ABCG2: variants seen among roughly 807,000 people sequenced by gnomAD.
The protein encoded by ABCG2 is broad substrate specificity ATP-binding cassette transporter ABCG2.
Under a neutral mutation model 73.5 loss-of-function variants are expected in ABCG2, and 80 were observed. That is an observed-to-expected ratio of 1.09 (90% CI 0.91 to 1.31). The LOEUF is 1.31. Ranked by LOEUF, ABCG2 falls within the 50% of genes most tolerant of loss-of-function variation. ABCG2 has a pLI of 0.00. For missense variants in ABCG2, 796 were observed against 786.2 expected (o/e 1.01, Z -0.15); for synonymous variants, 269 against 282.4 (o/e 0.95, Z 0.48).
At chr4:88,106,463 A>C (rs753247201) in intron 10 of ABCG2, among the ~76,000 whole-genome samples, 1 of 152,238 alleles carries the variant, frequency 6.6e-6, no homozygotes, top group East Asian at 1.9e-4. Flanking sequence ...GACACATGCT[A>C]CATGAATGAG....
chr4:88,227,523 C>T (rs1046508750), intron 1 of ABCG2, among the ~76,000 whole-genome samples: 1 of 152,098 alleles, frequency 6.6e-6, no homozygotes, highest in African/African-American at 2.4e-5. Context: ...AAGGTGTGAT[C>T]TCTGAGTGGT....
intron 1 of ABCG2, among the ~76,000 whole-genome samples, chr4:88,180,816 A>G (rs1286673123): frequency 6.6e-6 from 1 of 152,098 alleles, no homozygotes; most frequent in Non-Finnish European, 1.5e-5. Flanking sequence ...ATAAGGAATC[A>G]CCTGAAGGTA....
At chr4:88,147,818 A>C (rs1337066161) in intron 1 of ABCG2, among the ~76,000 whole-genome samples, 2 of 152,250 alleles carry the variant, frequency 1.3e-5, no homozygotes, top group Non-Finnish European at 2.9e-5. Flanking sequence ...CACATACAGA[A>C]TAGACTGAGC....
At chr4:88,222,499 C>T (rs1387966179) in intron 1 of ABCG2, among the ~76,000 whole-genome samples, 1 of 152,194 alleles carries the variant, frequency 6.6e-6, no homozygotes, top group Non-Finnish European at 1.5e-5. Context: ...TGCACAAGCT[C>T]TCTCTTTGCC....
intron 15 of ABCG2, among the ~76,000 whole-genome samples, chr4:88,093,054 A>G (rs897537727): frequency 5.9e-5 from 9 of 152,192 alleles, no homozygotes; most frequent in Admixed American, 3.9e-4. Context: ...AGTGGCAGCT[A>G]GAGTAGAGTA....
chr4:88,230,150 G>A (rs1199488255), intron 1 of ABCG2, among the ~76,000 whole-genome samples: 4 of 149,400 alleles, frequency 2.7e-5, no homozygotes, highest in Non-Finnish European at 5.9e-5. Flanking sequence ...GTGACACCAC[G>A]CCCAGCTAAT....
chr4:88,200,198 C>T (rs1248878045), intron 1 of ABCG2, among the ~76,000 whole-genome samples: 3 of 151,932 alleles, frequency 2.0e-5, no homozygotes, highest in Non-Finnish European at 4.4e-5. Context: ...TGGTGACGCA[C>T]ACACTGGTAG....
intron 14 of ABCG2, 58 bp downstream of exon 14, chr4:88,095,462 G>T: frequency 6.8e-7 from 1 of 1,468,538 alleles, no homozygotes; most frequent in South Asian, 1.1e-5. Context: ...GAGGACACTT[G>T]ATTTCCATTG....
chr4:88,138,716 C>A (rs948376629), intron 2 of ABCG2, among the ~76,000 whole-genome samples: 11 of 152,168 alleles, frequency 7.2e-5, no homozygotes, highest in African/African-American at 2.7e-4. Flanking sequence ...AAAACACCAA[C>A]CCCTGATGAC....
At chr4:88,167,641 G>C (rs1282744666) in intron 1 of ABCG2, among the ~76,000 whole-genome samples, 3 of 152,108 alleles carry the variant, frequency 2.0e-5, no homozygotes, top group Non-Finnish European at 2.9e-5. Context: ...TCCCAAAAGT[G>C]CTGGGATTAT....
At chr4:88,173,170 A>G (rs1398061586) in intron 1 of ABCG2, among the ~76,000 whole-genome samples, 1 of 152,186 alleles carries the variant, frequency 6.6e-6, no homozygotes, top group African/African-American at 2.4e-5. Flanking sequence ...TTATTATGGA[A>G]ATTTTGAAAC....
chr4:88,121,646 C>A lies in ABCG2; in HGVS notation c.678G>T (p.Leu226Phe). 6.2e-7 allele frequency: 1 copy of A among 1,613,408 alleles called. No individual in the cohort carries two copies. The highest frequency in any genetic ancestry group is 8.5e-7 in the Non-Finnish European group (1 of 1,179,766). The change falls in exon 6 of 16, where the codon TTG becomes TTT. Residue 226 changes from leucine (L) to phenylalanine (F), a missense_variant. By Grantham distance (22) the Leu-to-Phe change is conservative. Coordinates refer to ENST00000237612, the MANE Select transcript of ABCG2 (RefSeq NM_004827.3). Reference protein sequence around the residue: ...LDSSTANAVLLLLKRMSKQGR... With the variant: ...LDSSTANAVLFLLKRMSKQGR... ...TCCAGAGCATTTACCTTTTCAGGAG[C>A]AAAAGGACAGCATTTGCTGTGCTTG...
At chr4:88,151,067 G>A (rs986472191) in intron 1 of ABCG2, among the ~76,000 whole-genome samples, 1 of 152,150 alleles carries the variant, frequency 6.6e-6, no homozygotes, top group African/African-American at 2.4e-5. Flanking sequence ...CATTTAAGAG[G>A]GGACTGACTG....
intron 1 of ABCG2, among the ~76,000 whole-genome samples, chr4:88,204,879 G>A (rs895943889): frequency 6.6e-6 from 1 of 152,170 alleles, no homozygotes; most frequent in African/African-American, 2.4e-5. Flanking sequence ...TAGAGTAGGT[G>A]TATAAAATAT....
intron 1 of ABCG2, among the ~76,000 whole-genome samples, chr4:88,211,941 G>A (rs1430211283): frequency 6.6e-6 from 1 of 152,102 alleles, no homozygotes; most frequent in Non-Finnish European, 1.5e-5. Flanking sequence ...AAAGCATTTC[G>A]AGTGATTTAT....
chr4:88,115,819 T>C (rs1248548630), intron 7 of ABCG2, among the ~76,000 whole-genome samples: 1 of 152,096 alleles, frequency 6.6e-6, no homozygotes, highest in Non-Finnish European at 1.5e-5. Context: ...AGCCCAGGTG[T>C]GTTCTGCTCT....
chr4:88,130,952 C>G, intron 5 of ABCG2, 109 bp downstream of exon 5: 1 of 1,258,790 alleles, frequency 7.9e-7, no homozygotes, highest in African/African-American at 1.5e-5. Context: ...GGAAAGCAAC[C>G]ATTTTTGACC....
chr4:88,222,957 G>C (rs1441391807), intron 1 of ABCG2, among the ~76,000 whole-genome samples: 1 of 152,204 alleles, frequency 6.6e-6, no homozygotes, highest in African/African-American at 2.4e-5. Flanking sequence ...GAGACATGAA[G>C]TCAAAGGAGA....
At chr4:88,210,167 A>T (rs915630132) in intron 1 of ABCG2, among the ~76,000 whole-genome samples, 14 of 144,234 alleles carry the variant, frequency 9.7e-5, no homozygotes, top group Non-Finnish European at 1.6e-4. Context: ...TAAAGATGTC[A>T]GTAATGTAAG....
Sources: gnomAD v4.1 joint callset for allele counts (sites outside exome capture counted in the v4.1 genomes callset) on GRCh38, gnomAD v4.1.1 for gene constraint, MANE v1.5 for transcripts, NCBI Gene and HGNC (gene_info 2026-07-23, HGNC 2026-07-21) for gene names.